Variants in BST1 observed in about 807,000 individuals in gnomAD.
BST1 encodes the protein bone marrow stromal cell antigen 1.
BST1 carries 49 observed loss-of-function variants against 40.6 expected under a neutral mutation model. The ratio of observed to expected loss-of-function variants is 1.21; its 90% CI spans 0.96 to 1.53. The LOEUF (loss-of-function observed/expected upper bound fraction) is 1.53, where lower values mean the gene tolerates loss of function less well. BST1 is among the 40% of genes most tolerant of loss of function. BST1 has a pLI of 0.00. For synonymous variants in BST1, 157 were observed against 159.3 expected (o/e 0.99, Z 0.11); for missense variants, 423 against 395.9 (o/e 1.07, Z -0.58).
At chr4:15,705,785 GCTCT>G in intron 2 of BST1, 144 bp downstream of exon 2, 1 of 1,094,006 alleles carries the variant, frequency 9.1e-7, no homozygotes, top group South Asian at 1.5e-5. Context: ...TGTGTGCTGA[GCTCT>G]CTGTGGGAAG....
the BST1 span, among the ~76,000 whole-genome samples, chr4:15,758,921 T>A: frequency 1.3e-5 from 2 of 152,022 alleles, no homozygotes; most frequent in Non-Finnish European, 2.9e-5. Context: ...GCTGGTGTTG[T>A]CTTCACTGCA....
the BST1 span, among the ~76,000 whole-genome samples, chr4:15,755,047 A>G: frequency 1.5e-4 from 23 of 152,356 alleles, no homozygotes; most frequent in East Asian, 3.7e-3. Context: ...TTACAGCTGC[A>G]TAATATTCCA....
rs745979757 is a variant in BST1, at chr4:15,703,228, C to G, written c.84C>G (p.Gly28=). The stretch of plus-strand genomic sequence containing the variant: ...TTCTACTGTTGCTGCTGGCGGCGGG[C>G]GGGGCGCGCGCGCGGTGGCGCGGGG... ...LLLLLLLLAA[G]GARARWRGEG... Residue 28 remains glycine (G), a synonymous_variant, in exon 1 of 9, where the codon GGC becomes GGG. Transcript: ENST00000265016. The G allele has an allele frequency of 2.6e-6, 4 of 1,545,770 alleles. No homozygotes were observed. The highest frequency in any genetic ancestry group is 1.8e-4 in the Middle Eastern group (1 of 5,498).
At chr4:15,739,557 G>GTGTGTA (rs1338266576), downstream of BST1, among the ~76,000 whole-genome samples, 1 of 71,922 alleles carries the variant, frequency 1.4e-5, no homozygotes, top group Non-Finnish European at 3.0e-5. Flanking sequence ...GCCAAACCGT[G>GTGTGTA]TGTGTGTGTG....
chr4:15,734,681 G>C (rs556772126), downstream of BST1, among the ~76,000 whole-genome samples: 41 of 151,444 alleles, frequency 2.7e-4, no homozygotes, highest in South Asian at 8.4e-3. Flanking sequence ...GGTGAGTTTC[G>C]GTTCCTTGAT....
At chr4:15,731,501 A>T in intron 8 of BST1, 1 of 1,015,286 alleles carries the variant, frequency 9.8e-7, no homozygotes, top group Admixed American at 1.8e-5. Flanking sequence ...CCTTCTGGGG[A>T]GTCATAGTTC....
At chr4:15,747,705 C>T in the BST1 span, among the ~76,000 whole-genome samples, 2 of 152,050 alleles carry the variant, frequency 1.3e-5, no homozygotes, top group African/African-American at 4.8e-5. Context: ...AAGTTCCTAC[C>T]TTCTCCCAGG....
At chr4:15,753,352 T>C in the BST1 span, among the ~76,000 whole-genome samples, 1 of 152,196 alleles carries the variant, frequency 6.6e-6, no homozygotes, top group Non-Finnish European at 1.5e-5. Flanking sequence ...AAAGGCGGTC[T>C]GGAAAAGGGA....
At chr4:15,752,265 C>T in the BST1 span, among the ~76,000 whole-genome samples, 1 of 152,048 alleles carries the variant, frequency 6.6e-6, no homozygotes, top group Non-Finnish European at 1.5e-5. Context: ...GTGATGCATG[C>T]TCCAGGAAAT....
At chr4:15,737,010 G>C (rs1315788812), downstream of BST1, among the ~76,000 whole-genome samples, 1 of 152,152 alleles carries the variant, frequency 6.6e-6, no homozygotes, top group African/African-American at 2.4e-5. Flanking sequence ...TAACAGGTTG[G>C]CCCACATCCT....
At chr4:15,737,762 C>G, downstream of BST1, 1 of 1,283,092 alleles carries the variant, frequency 7.8e-7, no homozygotes, top group Non-Finnish European at 1.0e-6. Context: ...GACTTGGTAA[C>G]AAGGTACTTT....
downstream of BST1, among the ~76,000 whole-genome samples, chr4:15,737,473 C>A (rs1207157511): frequency 6.6e-6 from 1 of 152,228 alleles, no homozygotes; most frequent in Non-Finnish European, 1.5e-5. Flanking sequence ...AGCAAGGGGG[C>A]AGCAGGGAGC....
chr4:15,752,588 A>G, the BST1 span, among the ~76,000 whole-genome samples: 2 of 151,874 alleles, frequency 1.3e-5, no homozygotes, highest in Non-Finnish European at 2.9e-5. Flanking sequence ...CGGTTTCTCC[A>G]TGTTGGTCAG....
At chr4:15,741,326 G>A (rs1053506068), downstream of BST1, among the ~76,000 whole-genome samples, 1 of 152,098 alleles carries the variant, frequency 6.6e-6, no homozygotes, top group African/African-American at 2.4e-5. Flanking sequence ...CATGGCCCGA[G>A]AATTCTGTGC....
intron 1 of BST1, among the ~76,000 whole-genome samples, chr4:15,703,559 TGA>T (rs1173323010): frequency 1.3e-4 from 18 of 137,018 alleles, no homozygotes; most frequent in Admixed American, 9.3e-4. Context: ...GGTCTAGAGA[TGA>T]GTGTGTGTGT....
chr4:15,773,905 G>A, the BST1 span, among the ~76,000 whole-genome samples: 2 of 152,040 alleles, frequency 1.3e-5, no homozygotes, highest in African/African-American at 2.4e-5. Flanking sequence ...CTTCCCTGAC[G>A]TTTTTTTCTC....
At chr4:15,703,615 T>G (rs1270386580) in intron 1 of BST1, among the ~76,000 whole-genome samples, 1 of 133,674 alleles carries the variant, frequency 7.5e-6, no homozygotes, top group African/African-American at 2.8e-5. Context: ...TGTGTGCGTG[T>G]GTTCTAGAGG....
At position 15,712,968 on chromosome 4, in the gene BST1, A is replaced by G. The variant is rs551587445; in HGVS notation, c.534+1079A>G. Among the ~76,000 whole-genome samples the G allele has an allele frequency of 1.2e-4, 18 of 152,266 alleles. No individual in the cohort carries two copies. The South Asian group carries it at 1.5e-3, about 12-fold the overall frequency. On this transcript the variant is annotated intron_variant, in intron 4 of 8. Transcript: ENST00000265016. ...AACATTACATGTAAAGGAACCATGT[A>G]TTTTACCCAGTGGATCTGCCAGACT...
At chr4:15,716,573 G>A (rs1720527405) in intron 6 of BST1, among the ~76,000 whole-genome samples, 1 of 152,126 alleles carries the variant, frequency 6.6e-6, no homozygotes, top group Non-Finnish European at 1.5e-5. Flanking sequence ...TTGGCCCCCA[G>A]GACCTTCTAA....
Sources: allele counts gnomAD v4.1 joint callset (sites outside exome capture counted in the v4.1 genomes callset), GRCh38; gene constraint gnomAD v4.1.1; transcripts MANE v1.5; gene names NCBI Gene and HGNC (gene_info 2026-07-23, HGNC 2026-07-21).